The following PMF1 variants were observed in gnomAD, a reference collection of about 807,000 sequenced individuals.
PMF1 encodes the protein polyamine modulated factor 1, also known as polyamine-modulated factor 1.
A neutral mutation model predicts 26.7 loss-of-function variants in PMF1; 21 were observed. The observed-to-expected ratio is 0.79, with a 90% CI of 0.56 to 1.13. PMF1 has a LOEUF of 1.13. PMF1 is among the 50% of genes most tolerant of loss of function. The pLI is 0.00. For synonymous variants in PMF1, 105 were observed against 101.0 expected, an observed-to-expected ratio of 1.04 and a Z score of -0.24; for missense variants, 266 against 254.9, an observed-to-expected ratio of 1.04 and a Z score of -0.30.
intron 4 of PMF1, among the ~76,000 whole-genome samples, chr1:156,238,881 G>GC (rs1178113712): frequency 8.7e-5 from 5 of 57,432 alleles, no homozygotes; most frequent in African/African-American, 5.1e-4. Flanking sequence ...TGGTGACAAA[G>GC]GCCCCCCCCC....
chr1:156,228,074 A>C (rs1229975310), intron 1 of PMF1, among the ~76,000 whole-genome samples: 4 of 151,640 alleles, frequency 2.6e-5, no homozygotes, highest in African/African-American at 9.7e-5. Flanking sequence ...AGCTGGGATT[A>C]CAGACATGCG....
At chr1:156,233,776 T>A (rs775558235) in intron 3 of PMF1, 48 bp downstream of exon 3, 5 of 1,538,506 alleles carry the variant, frequency 3.2e-6, no homozygotes, top group Admixed American at 4.1e-5. Flanking sequence ...GAGGCAGCAA[T>A]TAAGCTTTTT....
At chr1:156,227,064 G>A (rs572264156) in intron 1 of PMF1, among the ~76,000 whole-genome samples, 10 of 152,306 alleles carry the variant, frequency 6.6e-5, no homozygotes, top group Admixed American at 4.6e-4. Context: ...TCTACAGAGC[G>A]TCTTACATGC....
chr1:156,222,842 G>C (rs1343130465), intron 1 of PMF1, among the ~76,000 whole-genome samples: 1 of 152,200 alleles, frequency 6.6e-6, no homozygotes, highest in Non-Finnish European at 1.5e-5. Context: ...GCCATACTTA[G>C]AGATGTCCTT....
At chr1:156,235,130 T>G (rs1359435965) in intron 3 of PMF1, among the ~76,000 whole-genome samples, 13 of 152,048 alleles carry the variant, frequency 8.5e-5, no homozygotes, top group Non-Finnish European at 1.5e-5. Context: ...GAATTTTTTT[T>G]TTTTTTTGAG....
At position 156,216,484 on chromosome 1, in the gene PMF1, ACT is replaced by A. The variant is rs58984276; in HGVS notation, c.161+3311_161+3312del. The stretch of plus-strand genomic sequence containing the variant: ...GCGACCTGTCGCTGGAGAGGTTGGG[ACT>A]CTGGATGCGTGCGGGGCTCTGGCCT... On this transcript the variant is annotated intron_variant, in intron 1 of 4. Coordinates refer to ENST00000368277, the MANE Select transcript of PMF1 (RefSeq NM_007221.4). Among the ~76,000 whole-genome samples, 242 of 151,484 alleles carry A rather than the reference ACT, an allele frequency of 1.6e-3. 1 individual carries two copies. Among genetic ancestry groups the A allele is most frequent in the African/African-American group, 5.7e-3 (235 of 41,370 alleles).
intron 1 of PMF1, among the ~76,000 whole-genome samples, chr1:156,231,563 C>G (rs1334126319): frequency 6.6e-6 from 1 of 151,764 alleles, no homozygotes; most frequent in African/African-American, 2.4e-5. Context: ...ATTAGCCAGG[C>G]GTGGTGGCGG....
chr1:156,230,191 TCA>T (rs56927348), intron 1 of PMF1, among the ~76,000 whole-genome samples: 6,161 of 152,260 alleles, frequency 0.04, 429 homozygotes, highest in African/African-American at 0.14. Context: ...AGCCTGATCC[TCA>T]CAGCCAAGGA....
intron 4 of PMF1, among the ~76,000 whole-genome samples, chr1:156,237,600 C>T (rs1017572162): frequency 1.1e-4 from 16 of 151,794 alleles, no homozygotes; most frequent in African/African-American, 1.5e-4. Flanking sequence ...GCATGAGCTG[C>T]CACACCCAGC....
intron 1 of PMF1, among the ~76,000 whole-genome samples, chr1:156,215,248 T>C (rs1657641396): frequency 1.3e-5 from 2 of 152,070 alleles, no homozygotes; most frequent in African/African-American, 4.8e-5. Context: ...GTCCCTGAGG[T>C]GATCAGATAT....
intron 1 of PMF1, among the ~76,000 whole-genome samples, chr1:156,215,226 A>G (rs1168942877): frequency 6.6e-6 from 1 of 152,148 alleles, no homozygotes; most frequent in African/African-American, 2.4e-5. Flanking sequence ...AAAAGGGGAC[A>G]GCCTGTGCAA....
intron 1 of PMF1, among the ~76,000 whole-genome samples, chr1:156,216,589 G>T (rs1281001560): frequency 6.6e-6 from 1 of 151,426 alleles, no homozygotes; most frequent in Non-Finnish European, 1.5e-5. Context: ...TCTCTCGCGC[G>T]TCCGAGCGTC....
At chr1:156,225,538 CTGTT>C (rs1453672619) in intron 1 of PMF1, 24 of 1,431,476 alleles carry the variant, frequency 1.7e-5, no homozygotes, top group African/African-American at 2.8e-5. Context: ...TGTTCTCAGC[CTGTT>C]TGTTTTGTTC....
At chr1:156,224,722 C>T (rs887541164) in intron 1 of PMF1, among the ~76,000 whole-genome samples, 20 of 151,716 alleles carry the variant, frequency 1.3e-4, no homozygotes, top group Admixed American at 9.8e-4. Context: ...CGAGATCGCG[C>T]CACTGCACTC....
In PMF1 at chr1:156,213,165, C is replaced by A. The variant is rs754024304; in HGVS notation, c.150C>A (p.Val50=). 2.5e-6 allele frequency: 4 copies of A among 1,612,762 alleles called. No homozygotes were observed. The South Asian group carries it at 3.3e-5, about 13-fold the overall frequency. The part of the protein sequence containing the change: ...TMVDTFLQKL[V]AAGSYQRFTD... ...TGGACACTTTTCTTCAGAAGCTGGT[C>A]GCCGCCGGCAGGTAAAGTGGACGCA... The change falls in exon 1 of 5, where the codon GTC becomes GTA. Residue 50 remains valine, a synonymous_variant. Transcript: ENST00000368277.
At chr1:156,229,434 G>T (rs1234839739) in intron 1 of PMF1, among the ~76,000 whole-genome samples, 1 of 151,676 alleles carries the variant, frequency 6.6e-6, no homozygotes, top group Middle Eastern at 3.2e-3. Flanking sequence ...GTGTTGAGAA[G>T]AGCTGGGCAG....
At chr1:156,213,227 A>C in intron 1 of PMF1, 51 bp downstream of exon 1, 1 of 1,597,392 alleles carries the variant, frequency 6.3e-7, no homozygotes, top group Non-Finnish European at 8.6e-7. Context: ...CGAAGCTCAA[A>C]TCCCGCGAGG....
intron 1 of PMF1, among the ~76,000 whole-genome samples, chr1:156,226,301 C>T (rs1658370009): frequency 6.6e-6 from 1 of 152,218 alleles, no homozygotes; most frequent in Admixed American, 6.5e-5. Flanking sequence ...TTAATATAGT[C>T]ATCTCAGTTT....
intron 4 of PMF1, chr1:156,236,696 C>T: frequency 3.0e-6 from 2 of 656,744 alleles, no homozygotes; most frequent in South Asian, 2.1e-5. Context: ...CTCCACCAGG[C>T]ACAGGCATGT....
Sources: gnomAD v4.1 joint callset for allele counts (sites outside exome capture counted in the v4.1 genomes callset) on GRCh38, gnomAD v4.1.1 for gene constraint, MANE v1.5 for transcripts, NCBI Gene and HGNC (gene_info 2026-07-23, HGNC 2026-07-21) for gene names.